HHAT: variants seen among roughly 807,000 people sequenced by gnomAD.
HHAT encodes protein-cysteine N-palmitoyltransferase HHAT.
Under a neutral mutation model 70.8 loss-of-function variants are expected in HHAT, and 47 were observed. The observed-to-expected ratio is 0.66, with a 90% CI of 0.53 to 0.85. The LOEUF is 0.85. Among genes scored for constraint, HHAT ranks in the 40% least tolerant of loss-of-function variants. The probability of loss-of-function intolerance (pLI) is 0.00; values close to 1 mark genes in which losing one functional copy is unlikely to be tolerated. For synonymous variants in HHAT, 228 were observed against 247.6 expected (o/e 0.92, Z 0.74); for missense variants, 609 against 604.8 (o/e 1.01, Z -0.07).
At chr1:210,489,637 G>A (rs1258833303) in intron 8 of HHAT, among the ~76,000 whole-genome samples, 9 of 152,188 alleles carry the variant, frequency 5.9e-5, no homozygotes, top group Non-Finnish European at 8.8e-5. Flanking sequence ...GGCATTTGGT[G>A]TTGTCCTGGT....
chr1:210,416,071 C>T (rs763437105), intron 6 of HHAT, among the ~76,000 whole-genome samples: 6 of 152,160 alleles, frequency 3.9e-5, no homozygotes, highest in Non-Finnish European at 8.8e-5. Context: ...AATGAGCCGA[C>T]CAAAATTTCT....
At chr1:210,328,772 G>C (rs1571602051), upstream of HHAT, 1 of 345,636 alleles carries the variant, frequency 2.9e-6, no homozygotes, top group South Asian at 1.5e-4. Context: ...AGGGGCCCCG[G>C]GCCGCCGGCG....
chr1:210,469,261 GTC>G (rs2148453962), intron 8 of HHAT, among the ~76,000 whole-genome samples: 1 of 152,190 alleles, frequency 6.6e-6, no homozygotes, highest in Non-Finnish European at 1.5e-5. Flanking sequence ...AGTGGCCTTG[GTC>G]TTGTCATTTT....
At chr1:210,534,864 A>G (rs1238746471) in intron 9 of HHAT, among the ~76,000 whole-genome samples, 1 of 152,196 alleles carries the variant, frequency 6.6e-6, no homozygotes, top group East Asian at 1.9e-4. Flanking sequence ...TACCCATCAC[A>G]TTAGTGCTAA....
intron 11 of HHAT, among the ~76,000 whole-genome samples, chr1:210,657,211 C>A (rs1330148341): frequency 6.6e-6 from 1 of 152,212 alleles, no homozygotes; most frequent in Admixed American, 6.5e-5. Context: ...ACAGCCTGGC[C>A]TGCTCTTAGG....
At chr1:210,469,634 C>A (rs559383115) in intron 8 of HHAT, among the ~76,000 whole-genome samples, 20 of 152,178 alleles carry the variant, frequency 1.3e-4, no homozygotes, top group South Asian at 1.0e-3. Flanking sequence ...GATTAATAAT[C>A]ATTACAAATA....
At chr1:210,344,697 T>C (rs1039551187) in intron 1 of HHAT, among the ~76,000 whole-genome samples, 2 of 152,192 alleles carry the variant, frequency 1.3e-5, no homozygotes, top group Non-Finnish European at 1.5e-5. Flanking sequence ...GCCACTGTTA[T>C]CTGCTTTCAG....
chr1:210,381,527 C>T (rs2090635930), intron 3 of HHAT, among the ~76,000 whole-genome samples: 1 of 152,172 alleles, frequency 6.6e-6, no homozygotes. Flanking sequence ...GCTATCCACC[C>T]ACCTTAGCTT....
At chr1:210,474,397 C>A (rs1176186048) in intron 8 of HHAT, among the ~76,000 whole-genome samples, 3 of 152,180 alleles carry the variant, frequency 2.0e-5, no homozygotes, top group African/African-American at 4.8e-5. Flanking sequence ...CTCAGGTGGT[C>A]TTCCTGCCTC....
intron 9 of HHAT, among the ~76,000 whole-genome samples, chr1:210,548,408 T>TA (rs1409740277): frequency 6.6e-6 from 1 of 152,178 alleles, no homozygotes; most frequent in South Asian, 2.1e-4. Flanking sequence ...AGTAGGTGTT[T>TA]AATAAGTGTT....
chr1:210,448,680 T>C (rs928245193), intron 7 of HHAT, among the ~76,000 whole-genome samples: 6 of 152,224 alleles, frequency 3.9e-5, no homozygotes, highest in African/African-American at 1.4e-4. Flanking sequence ...TGAATCTTAC[T>C]TTAAACTGTT....
intron 11 of HHAT, among the ~76,000 whole-genome samples, chr1:210,633,841 C>T (rs558270236): frequency 5.9e-5 from 9 of 152,284 alleles, no homozygotes; most frequent in African/African-American, 2.2e-4. Context: ...GGCGCATGTG[C>T]CCACAGAGCC....
intron 11 of HHAT, among the ~76,000 whole-genome samples, chr1:210,624,136 A>AT (rs1390159836): frequency 1.3e-5 from 2 of 152,010 alleles, no homozygotes; most frequent in East Asian, 3.9e-4. Context: ...TTAATGGGTT[A>AT]TTATGGAAGT....
intron 11 of HHAT, among the ~76,000 whole-genome samples, chr1:210,633,511 G>GT (rs1357194582): frequency 6.6e-6 from 1 of 152,224 alleles, no homozygotes; most frequent in Non-Finnish European, 1.5e-5. Flanking sequence ...GATGTGGTAG[G>GT]TGAAGGCAGG....
At chr1:210,650,826 G>T (rs529421785) in intron 11 of HHAT, among the ~76,000 whole-genome samples, 13 of 152,126 alleles carry the variant, frequency 8.5e-5, no homozygotes, top group Non-Finnish European at 1.9e-4. Flanking sequence ...ACCTGAGGCA[G>T]GCCTATAATT....
At chr1:210,574,448 A>C (rs538265005) in intron 9 of HHAT, among the ~76,000 whole-genome samples, 1 of 152,368 alleles carries the variant, frequency 6.6e-6, no homozygotes, top group African/African-American at 2.4e-5. Flanking sequence ...GATGGGTTTA[A>C]TTTAGGCCAT....
At chr1:210,628,071 T>C (rs1402983611) in intron 11 of HHAT, among the ~76,000 whole-genome samples, 1 of 152,190 alleles carries the variant, frequency 6.6e-6, no homozygotes, top group Non-Finnish European at 1.5e-5. Context: ...TTCAAAGGTA[T>C]CAAGGAGTTG....
chr1:210,605,188 T>C (rs529800485), intron 10 of HHAT, among the ~76,000 whole-genome samples: 1 of 152,252 alleles, frequency 6.6e-6, no homozygotes, highest in East Asian at 1.9e-4. Flanking sequence ...GTAGCAAACC[T>C]CCAGGGTAGG....
chr1:210,429,084 C>T (rs1479889395), intron 7 of HHAT, among the ~76,000 whole-genome samples: 1 of 151,764 alleles, frequency 6.6e-6, no homozygotes, highest in African/African-American at 2.4e-5. Flanking sequence ...CCTATGAAGT[C>T]ATAAGATGAT....
Sources: gnomAD v4.1 joint callset for allele counts (sites outside exome capture counted in the v4.1 genomes callset) on GRCh38, gnomAD v4.1.1 for gene constraint, MANE v1.5 for transcripts, NCBI Gene and HGNC (gene_info 2026-07-23, HGNC 2026-07-21) for gene names.